TEX11: variants seen among roughly 807,000 people sequenced by gnomAD.
The protein encoded by TEX11 is testis-expressed protein 11.
TEX11 carries 7 observed loss-of-function variants against 84.4 expected under a neutral mutation model. That is an observed-to-expected ratio of 0.08 (90% CI 0.05 to 0.16). The LOEUF (loss-of-function observed/expected upper bound fraction) is 0.16, where lower values mean the gene tolerates loss of function less well. Ranked by LOEUF, TEX11 falls within the 10% of genes least tolerant of loss-of-function variation. The pLI, the probability that TEX11 is intolerant of heterozygous loss-of-function variation, is 1.00. For missense variants in TEX11, 551 were observed against 660.5 expected (o/e 0.83, Z 1.82); for synonymous variants, 264 against 222.8 (o/e 1.18, Z -1.64).
chrX:70,617,481 T>TATATATATATATA (rs2089332990), intron 20 of TEX11, among the ~76,000 whole-genome samples: 1 of 107,503 alleles, frequency 9.3e-6, no homozygotes, highest in Admixed American at 1.0e-4. Flanking sequence ...ATATATATAA[T>TATATATATATATA]GAGATACTAC....
At chrX:70,667,615 G>A (rs2089986932) in intron 16 of TEX11, among the ~76,000 whole-genome samples, 1 of 112,108 alleles carries the variant, frequency 8.9e-6, no homozygotes, top group Non-Finnish European at 1.9e-5. Context: ...AGACTTCAAG[G>A]TAATTATAGT....
intron 16 of TEX11, among the ~76,000 whole-genome samples, chrX:70,654,593 C>T (rs1375024558): frequency 4.6e-5 from 5 of 107,686 alleles, no homozygotes; most frequent in African/African-American, 1.7e-4. Context: ...CATCTGTGAT[C>T]CCAGCTACTT....
chrX:70,887,433 G>A (rs2091715512), intron 2 of TEX11, among the ~76,000 whole-genome samples: 1 of 111,984 alleles, frequency 8.9e-6, no homozygotes, highest in Non-Finnish European at 1.9e-5. Flanking sequence ...GCAGTAGCCT[G>A]GCATTACTCC....
At chrX:70,898,571 C>T (rs931032924) in intron 2 of TEX11, among the ~76,000 whole-genome samples, 1 of 109,108 alleles carries the variant, frequency 9.2e-6, no homozygotes, top group Non-Finnish European at 1.9e-5. Flanking sequence ...AAGTTCAATT[C>T]TGTGGGTCAC....
At chrX:70,720,212 C>T (rs994909738) in intron 13 of TEX11, among the ~76,000 whole-genome samples, 2 of 111,530 alleles carry the variant, frequency 1.8e-5, no homozygotes, top group Non-Finnish European at 3.8e-5. Context: ...AGTCCCTGTC[C>T]TATGTAGGGA....
intron 9 of TEX11, among the ~76,000 whole-genome samples, chrX:70,805,146 C>A (rs995681950): frequency 1.8e-5 from 2 of 109,983 alleles, no homozygotes; most frequent in African/African-American, 6.6e-5. Flanking sequence ...AGAGTTTGAT[C>A]AATCTTTGGG....
intron 25 of TEX11, among the ~76,000 whole-genome samples, chrX:70,579,830 C>A (rs1243170648): frequency 2.7e-5 from 3 of 111,775 alleles, no homozygotes; most frequent in Admixed American, 9.5e-5. Context: ...GGCTTATATC[C>A]AAAAGATAGG....
chrX:70,682,919 C>A, intron 13 of TEX11, 94 bp from the exon 14 acceptor site: 1 of 852,893 alleles, frequency 1.2e-6, no homozygotes, highest in Admixed American at 3.2e-5. Flanking sequence ...GCAAAATAAG[C>A]CAGATAAAAG....
intron 2 of TEX11, chrX:70,897,622 AG>A (rs2147886515): frequency 2.4e-5 from 2 of 83,446 alleles, no homozygotes; most frequent in Admixed American, 2.8e-4. Flanking sequence ...GAAGGAAGGA[AG>A]GAAGGAAGGA....
At chrX:70,807,631 A>G (rs767559599) in intron 8 of TEX11, among the ~76,000 whole-genome samples, 1 of 111,668 alleles carries the variant, frequency 9.0e-6, no homozygotes, top group African/African-American at 3.3e-5. Context: ...TTACCCGAGT[A>G]AGACTACAGA....
At chrX:70,894,130 A>T (rs778968013) in intron 2 of TEX11, among the ~76,000 whole-genome samples, 6 of 109,808 alleles carry the variant, frequency 5.5e-5, no homozygotes, top group Admixed American at 1.9e-4. Context: ...TCACAGCTGA[A>T]TTCTACCAGA....
At chrX:70,805,400 T>G (rs190867647) in intron 9 of TEX11, among the ~76,000 whole-genome samples, 212 of 109,414 alleles carry the variant, frequency 1.9e-3, no homozygotes, top group African/African-American at 6.9e-3. Context: ...TGATCCATTT[T>G]TTTTTCTTTT....
chrX:70,533,719 C>T (rs940446351), intron 28 of TEX11, among the ~76,000 whole-genome samples: 7 of 108,728 alleles, frequency 6.4e-5, no homozygotes, highest in Admixed American at 2.9e-4. Context: ...TCTTGTATAC[C>T]ACATTCAAGA....
At chrX:70,662,242 A>G (rs1041083727) in intron 16 of TEX11, among the ~76,000 whole-genome samples, 3 of 112,000 alleles carry the variant, frequency 2.7e-5, no homozygotes, top group African/African-American at 9.7e-5. Flanking sequence ...AGCCGATTCG[A>G]TCAACTGGAA....
chrX:70,575,653 G>GA (rs371264101), intron 25 of TEX11, among the ~76,000 whole-genome samples: 189 of 110,913 alleles, frequency 1.7e-3, no homozygotes, highest in African/African-American at 4.5e-3. Context: ...AGAAATGTGA[G>GA]AAAAAAAAAT....
chrX:70,820,422 G>C (rs1376068527), intron 8 of TEX11, among the ~76,000 whole-genome samples: 1 of 112,018 alleles, frequency 8.9e-6, no homozygotes, highest in Non-Finnish European at 1.9e-5. Flanking sequence ...ATAAGTTAAA[G>C]ACTTTGTATT....
At chrX:70,827,319 G>A (rs1015619671) in intron 8 of TEX11, among the ~76,000 whole-genome samples, 2 of 111,728 alleles carry the variant, frequency 1.8e-5, no homozygotes, top group African/African-American at 6.5e-5. Flanking sequence ...GCTGGCTTCA[G>A]GGGACACCCA....
chrX:70,608,882 T>C (rs143701651), intron 22 of TEX11, among the ~76,000 whole-genome samples: 3 of 112,067 alleles, frequency 2.7e-5, no homozygotes, highest in African/African-American at 9.7e-5. Flanking sequence ...GAGTATCTAC[T>C]ATGAAAAAAG....
intron 13 of TEX11, among the ~76,000 whole-genome samples, chrX:70,698,694 CCTT>C (rs2090301902): frequency 1.0e-5 from 1 of 100,295 alleles, no homozygotes; most frequent in Non-Finnish European, 2.1e-5. Flanking sequence ...TGCTGTCAAA[CCTT>C]CTAAATGATT....
Sources: gnomAD v4.1 joint callset for allele counts (sites outside exome capture counted in the v4.1 genomes callset) on GRCh38, gnomAD v4.1.1 for gene constraint, MANE v1.5 for transcripts, NCBI Gene and HGNC (gene_info 2026-07-23, HGNC 2026-07-21) for gene names.